Variants in CIMIP5 observed in about 807,000 individuals in gnomAD.
CIMIP5 encodes uncharacterized protein C2orf50.
At chr2:11,145,229 C>T in the CIMIP5 span, 10 of 152,066 alleles carry the variant, frequency 6.6e-5, no homozygotes, top group African/African-American at 2.4e-4. Context: ...AGGTGATCCG[C>T]CTGCCTCAGC....
At chr2:11,140,393 A>G in the CIMIP5 span, 2 of 644,864 alleles carry the variant, frequency 3.1e-6, no homozygotes, top group Non-Finnish European at 4.8e-6. Flanking sequence ...AAAAAAAAAA[A>G]AAAAATTATT....
At chr2:11,150,080 G>C in the CIMIP5 span, among the ~76,000 whole-genome samples, 2 of 152,072 alleles carry the variant, frequency 1.3e-5, no homozygotes, top group Non-Finnish European at 2.9e-5. Flanking sequence ...CCGAGTAGCT[G>C]GGATTACGGG....
the CIMIP5 span, among the ~76,000 whole-genome samples, chr2:11,148,852 G>C: frequency 6.7e-6 from 1 of 148,748 alleles, no homozygotes; most frequent in Non-Finnish European, 1.5e-5. Context: ...CTCCTGCCTC[G>C]GCCTCCAAGT....
chr2:11,144,582 G>A, the CIMIP5 span: 1 of 152,584 alleles, frequency 6.6e-6, no homozygotes, highest in Middle Eastern at 3.1e-3. Context: ...TCATCTTACA[G>A]CTCTGAAGAT....
chr2:11,139,317 G>A, the CIMIP5 span, among the ~76,000 whole-genome samples: 1 of 152,214 alleles, frequency 6.6e-6, no homozygotes, highest in Admixed American at 6.5e-5. Flanking sequence ...AAATATGGAT[G>A]CAAAGGCCTG....
chr2:11,133,472 C>A, the CIMIP5 span: 35 of 1,608,152 alleles, frequency 2.2e-5, no homozygotes, highest in East Asian at 7.8e-4. Flanking sequence ...CTGGTGGCTG[C>A]CAGGCCCCCC....
At chr2:11,133,651 G>A in the CIMIP5 span, 1 of 1,541,266 alleles carries the variant, frequency 6.5e-7, no homozygotes, top group East Asian at 2.3e-5. Flanking sequence ...AGTTGGGGAA[G>A]GTTTTGGAGA....
chr2:11,142,938 T>C, the CIMIP5 span, among the ~76,000 whole-genome samples: 1 of 152,084 alleles, frequency 6.6e-6, no homozygotes, highest in South Asian at 2.1e-4. Flanking sequence ...CCCAGGCTGG[T>C]CTGAATCTTT....
At chr2:11,149,432 G>A in the CIMIP5 span, among the ~76,000 whole-genome samples, 7 of 152,188 alleles carry the variant, frequency 4.6e-5, no homozygotes, top group Admixed American at 3.9e-4. Context: ...TCTGCCAGGC[G>A]CTGTGACTCA....
chr2:11,153,938 A>AAG, the CIMIP5 span, among the ~76,000 whole-genome samples: 22 of 148,674 alleles, frequency 1.5e-4, no homozygotes, highest in African/African-American at 5.4e-4. Context: ...AAAAAAAAAA[A>AAG]GCTCTTCTCT....
chr2:11,148,732 C>CTTTTTTTTT, the CIMIP5 span, among the ~76,000 whole-genome samples: 1,696 of 35,338 alleles, frequency 0.048, 242 homozygotes, highest in African/African-American at 0.09. Context: ...AATGAAAACT[C>CTTTTTTTTT]TTTTTTTTTT....
chr2:11,154,063 G>C, the CIMIP5 span, among the ~76,000 whole-genome samples: 2 of 151,930 alleles, frequency 1.3e-5, no homozygotes, highest in Non-Finnish European at 2.9e-5. Flanking sequence ...TGCAACCTCC[G>C]CCTCCTGGGT....
At chr2:11,145,468 T>C in the CIMIP5 span, 1 of 150,762 alleles carries the variant, frequency 6.6e-6, no homozygotes, top group Non-Finnish European at 1.5e-5. Flanking sequence ...ACAACCTTTA[T>C]ATTTAAGCAA....
At chr2:11,143,196 C>T in the CIMIP5 span, among the ~76,000 whole-genome samples, 1 of 152,134 alleles carries the variant, frequency 6.6e-6, no homozygotes, top group African/African-American at 2.4e-5. Flanking sequence ...GTACAGTTCA[C>T]ACCATGGAGT....
At chr2:11,143,527 C>T in the CIMIP5 span, among the ~76,000 whole-genome samples, 11 of 145,664 alleles carry the variant, frequency 7.6e-5, no homozygotes, top group Non-Finnish European at 1.6e-4. Flanking sequence ...ATGGCTTGTG[C>T]GTTTTCTGTG....
At chr2:11,153,846 C>A in the CIMIP5 span, among the ~76,000 whole-genome samples, 722 of 151,356 alleles carry the variant, frequency 4.8e-3, 5 homozygotes, top group African/African-American at 0.016. Flanking sequence ...ATCACTTGAA[C>A]CCCGGAGGTG....
chr2:11,148,092 C>T, the CIMIP5 span, among the ~76,000 whole-genome samples: 1 of 151,490 alleles, frequency 6.6e-6, no homozygotes, highest in South Asian at 2.1e-4. Context: ...AGAGCCATAG[C>T]AAGCCTGGAG....
the CIMIP5 span, among the ~76,000 whole-genome samples, chr2:11,134,740 TA>T: frequency 2.1e-4 from 32 of 152,374 alleles, no homozygotes; most frequent in African/African-American, 7.7e-4. Context: ...ATTTGACTAT[TA>T]TGTGTAGTGC....
the CIMIP5 span, among the ~76,000 whole-genome samples, chr2:11,140,060 C>T: frequency 7.8e-6 from 1 of 128,566 alleles, no homozygotes; most frequent in Non-Finnish European, 1.6e-5. Flanking sequence ...GCACTTCAGC[C>T]TAGGTGACAG....
Sources: allele counts gnomAD v4.1 joint callset (sites outside exome capture counted in the v4.1 genomes callset), GRCh38; gene constraint gnomAD v4.1.1; transcripts MANE v1.5; gene names NCBI Gene and HGNC (gene_info 2026-07-23, HGNC 2026-07-21).